UBAC2: variants seen among roughly 807,000 people sequenced by gnomAD.
UBAC2 encodes UBA domain containing 2.
UBAC2 carries 26 observed loss-of-function variants against 44.0 expected under a neutral mutation model. The observed-to-expected ratio is 0.59, with a 90% CI of 0.43 to 0.82. The LOEUF (loss-of-function observed/expected upper bound fraction) is 0.82. Among genes scored for constraint, UBAC2 ranks in the 40% least tolerant of loss-of-function variants. The probability of loss-of-function intolerance (pLI) is 0.00; values close to 1 mark genes in which losing one functional copy is unlikely to be tolerated. For missense variants in UBAC2, 329 were observed against 419.4 expected (o/e 0.78, Z 1.88); for synonymous variants, 155 against 154.3 (o/e 1.00, Z -0.04).
intron 8 of UBAC2, among the ~76,000 whole-genome samples, chr13:99,376,255 T>C (rs1161414907): frequency 6.6e-6 from 1 of 152,226 alleles, no homozygotes; most frequent in African/African-American, 2.4e-5. Context: ...CGCCTATTTC[T>C]GTCATGCTCC....
At chr13:99,204,385 G>A (rs1476402339) in intron 1 of UBAC2, among the ~76,000 whole-genome samples, 1 of 152,162 alleles carries the variant, frequency 6.6e-6, no homozygotes, top group Non-Finnish European at 1.5e-5. Flanking sequence ...AGCCTGGACA[G>A]GGCTTGGCAG....
chr13:99,304,479 T>C (rs1044937591), intron 4 of UBAC2, among the ~76,000 whole-genome samples: 4 of 152,206 alleles, frequency 2.6e-5, no homozygotes, highest in African/African-American at 9.7e-5. Context: ...CCTATGGTGT[T>C]AATTTCTTGT....
At chr13:99,221,824 C>G (rs1182032386) in intron 1 of UBAC2, among the ~76,000 whole-genome samples, 2 of 152,150 alleles carry the variant, frequency 1.3e-5, no homozygotes, top group Non-Finnish European at 2.9e-5. Flanking sequence ...TCCTCTGTTT[C>G]GCTCCCCGTG....
intron 4 of UBAC2, among the ~76,000 whole-genome samples, chr13:99,287,035 T>C (rs1366778984): frequency 1.3e-5 from 2 of 152,176 alleles, no homozygotes; most frequent in Non-Finnish European, 2.9e-5. Context: ...AATTTTCAAA[T>C]ATACATAAAT....
intron 4 of UBAC2, chr13:99,258,589 A>T (rs1288723699): frequency 2.0e-5 from 3 of 152,182 alleles, no homozygotes; most frequent in Non-Finnish European, 2.9e-5. Flanking sequence ...TGCATCATCT[A>T]TGGAAAGAGA....
At chr13:99,309,402 C>T (rs948033720) in intron 4 of UBAC2, among the ~76,000 whole-genome samples, 1 of 151,676 alleles carries the variant, frequency 6.6e-6, no homozygotes, top group Non-Finnish European at 1.5e-5. Flanking sequence ...AGCCACCGTG[C>T]CCAGCCCCTT....
chr13:99,248,388 ATTT>A (rs35640725), intron 4 of UBAC2, among the ~76,000 whole-genome samples: 4 of 130,130 alleles, frequency 3.1e-5, no homozygotes, highest in Admixed American at 7.9e-5. Context: ...TGCCCACCTA[ATTT>A]TTTTTTTTTT....
intron 4 of UBAC2, among the ~76,000 whole-genome samples, chr13:99,283,756 ACTGAGT>A (rs2043983740): frequency 1.5e-5 from 1 of 65,900 alleles, no homozygotes. Context: ...TTTTTTTGAG[ACTGAGT>A]CTTGCTCTTT....
At chr13:99,277,826 C>T (rs1381049261) in intron 4 of UBAC2, among the ~76,000 whole-genome samples, 2 of 152,150 alleles carry the variant, frequency 1.3e-5, no homozygotes, top group African/African-American at 4.8e-5. Flanking sequence ...ACCCGCAAGC[C>T]TCATCAAGCC....
At chr13:99,330,705 G>A (rs1240860596) in intron 6 of UBAC2, among the ~76,000 whole-genome samples, 1 of 151,908 alleles carries the variant, frequency 6.6e-6, no homozygotes, top group African/African-American at 2.4e-5. Context: ...AAATAAAAGT[G>A]GTGAATGGAT....
At chr13:99,330,149 T>C (rs2044694201) in intron 6 of UBAC2, among the ~76,000 whole-genome samples, 1 of 152,130 alleles carries the variant, frequency 6.6e-6, no homozygotes, top group African/African-American at 2.4e-5. Context: ...CCCAATTGTT[T>C]GTCACTAGTG....
intron 1 of UBAC2, among the ~76,000 whole-genome samples, chr13:99,214,987 GTT>G (rs112026030): frequency 7.1e-6 from 1 of 141,128 alleles, no homozygotes. Context: ...TTTTCTTTTT[GTT>G]TTTTTTTTTT....
At chr13:99,309,689 C>T (rs1489356312) in intron 4 of UBAC2, among the ~76,000 whole-genome samples, 1 of 152,122 alleles carries the variant, frequency 6.6e-6, no homozygotes, top group Non-Finnish European at 1.5e-5. Context: ...CAACCTCTGC[C>T]TCCTGGGCTC....
chr13:99,278,563 T>C (rs1230572760), intron 4 of UBAC2, among the ~76,000 whole-genome samples: 6 of 152,170 alleles, frequency 3.9e-5, no homozygotes, highest in Admixed American at 3.3e-4. Context: ...TCATCATAGC[T>C]TGAAAAATGA....
At chr13:99,216,578 G>A (rs1300122445) in intron 1 of UBAC2, among the ~76,000 whole-genome samples, 1 of 152,178 alleles carries the variant, frequency 6.6e-6, no homozygotes, top group Admixed American at 6.5e-5. Context: ...TAGTGGTAAT[G>A]CCTGCAGTTT....
At chr13:99,257,931 T>C (rs1418928677) in intron 4 of UBAC2, among the ~76,000 whole-genome samples, 3 of 152,226 alleles carry the variant, frequency 2.0e-5, no homozygotes, top group Non-Finnish European at 2.9e-5. Flanking sequence ...TAGTTTGTTA[T>C]GTTTATTTTT....
At chr13:99,328,897 A>C (rs1003204936) in intron 6 of UBAC2, among the ~76,000 whole-genome samples, 14 of 152,210 alleles carry the variant, frequency 9.2e-5, no homozygotes, top group African/African-American at 3.4e-4. Flanking sequence ...TGCTAATCCA[A>C]TGTCACAAAG....
intron 7 of UBAC2, among the ~76,000 whole-genome samples, chr13:99,366,282 T>C (rs890389985): frequency 6.6e-6 from 1 of 152,248 alleles, no homozygotes; most frequent in Non-Finnish European, 1.5e-5. Flanking sequence ...ACCCAGTCTC[T>C]TGTGTGTTTT....
chr13:99,278,886 A>C (rs1013078308), intron 4 of UBAC2, among the ~76,000 whole-genome samples: 1 of 152,224 alleles, frequency 6.6e-6, no homozygotes, highest in African/African-American at 2.4e-5. Context: ...CTCCAAGTCA[A>C]GGTAAAGCAA....
Sources: allele counts gnomAD v4.1 joint callset (sites outside exome capture counted in the v4.1 genomes callset), GRCh38; gene constraint gnomAD v4.1.1; transcripts MANE v1.5; gene names NCBI Gene and HGNC (gene_info 2026-07-23, HGNC 2026-07-21).